The following P2RX5 variants were observed in gnomAD, a reference collection of about 807,000 sequenced individuals.
The protein encoded by P2RX5 is P2X purinoceptor 5.
Under a neutral mutation model 54.1 loss-of-function variants are expected in P2RX5, and 46 were observed. The observed-to-expected ratio is 0.85, with a 90% CI of 0.67 to 1.09. The LOEUF (loss-of-function observed/expected upper bound fraction) is 1.09, where lower values mean the gene tolerates loss of function less well. Ranked by LOEUF, P2RX5 falls within the 50% of genes least tolerant of loss-of-function variation. P2RX5 has a pLI of 0.00. For missense variants in P2RX5, 566 were observed against 549.8 expected, an observed-to-expected ratio of 1.03 and a Z score of -0.29; for synonymous variants, 226 against 226.4, an observed-to-expected ratio of 1.00 and a Z score of 0.02.
the P2RX5 span, among the ~76,000 whole-genome samples, chr17:3,719,221 G>A: frequency 8.7e-6 from 1 of 114,636 alleles, no homozygotes; most frequent in Non-Finnish European, 1.6e-5. Flanking sequence ...GGGCGACACA[G>A]TGAGATTCTT....
chr17:3,693,161 A>C (rs78931785), intron 1 of P2RX5, among the ~76,000 whole-genome samples: 1 of 151,548 alleles, frequency 6.6e-6, no homozygotes. Flanking sequence ...AGAGAGATAC[A>C]CAAATGCCCA....
chr17:3,699,910 G>GA (rs1466473616), upstream of P2RX5, among the ~76,000 whole-genome samples: 1 of 40,656 alleles, frequency 2.5e-5, no homozygotes, highest in African/African-American at 5.3e-5. Context: ...AGGAAGGAAG[G>GA]AAGGAAGGAA....
intron 9 of P2RX5, among the ~76,000 whole-genome samples, chr17:3,684,623 T>C (rs1455444190): frequency 6.9e-6 from 1 of 144,898 alleles, no homozygotes; most frequent in Non-Finnish European, 1.5e-5. Flanking sequence ...ATCCTCAGGG[T>C]CTGGGAAAAT....
chr17:3,706,348 C>T, the P2RX5 span, among the ~76,000 whole-genome samples: 43 of 152,042 alleles, frequency 2.8e-4, no homozygotes, highest in African/African-American at 1.4e-4. Context: ...GCCCACCTTG[C>T]GCTCTCAAAG....
intron 11 of P2RX5, chr17:3,675,597 G>A (rs2050085138): frequency 1.0e-6 from 1 of 973,824 alleles, no homozygotes; most frequent in Non-Finnish European, 1.2e-6. Flanking sequence ...TGTCGCCCAG[G>A]CCAGAGTGCA....
intron 11 of P2RX5, among the ~76,000 whole-genome samples, chr17:3,678,724 G>T (rs2050159139): frequency 6.6e-6 from 1 of 152,240 alleles, no homozygotes; most frequent in Non-Finnish European, 1.5e-5. Context: ...GGCCACCAAG[G>T]TCAGTGAGTA....
chr17:3,723,743 G>A, the P2RX5 span: 475 of 1,607,228 alleles, frequency 3.0e-4, no homozygotes, highest in Admixed American at 2.0e-3. Flanking sequence ...CACCGTGGAG[G>A]CCTGAAACGA....
chr17:3,701,707 A>AAAAAAT, the P2RX5 span, among the ~76,000 whole-genome samples: 665 of 139,960 alleles, frequency 4.8e-3, 3 homozygotes, highest in Middle Eastern at 0.011. Context: ...AAAAAAAAAA[A>AAAAAAT]AAAAAAAAAA....
Position 3,681,862 on chromosome 17 carries a change from GCCCTCGGGC to G in P2RX5, c.1064+25_1064+33del, listed in dbSNP as rs747817201. 26 of 1,452,706 alleles carry G rather than the reference GCCCTCGGGC, an allele frequency of 1.8e-5. No individual in the cohort carries two copies. In the South Asian group the frequency reaches 2.7e-4, roughly 15 times the overall value. 90.0% of individuals were successfully genotyped at this position (1,452,706 alleles called of 1,614,324 possible). ...AGCCACGGGGGTGCTCCACAGGGCT[GCCCTCGGGC>G]CGCCGGCCTGGAAGCGGAACTGACC... On this transcript the variant is annotated intron_variant, in intron 10 of 11. Transcript: ENST00000225328.
At chr17:3,702,186 T>C in the P2RX5 span, among the ~76,000 whole-genome samples, 9 of 144,320 alleles carry the variant, frequency 6.2e-5, no homozygotes, top group South Asian at 2.3e-4. Context: ...AGCTAAAGGA[T>C]TGTAAATGCA....
the P2RX5 span, among the ~76,000 whole-genome samples, chr17:3,708,492 A>G: frequency 3.3e-5 from 5 of 152,132 alleles, no homozygotes; most frequent in South Asian, 2.1e-4. Flanking sequence ...GGAAAAATAC[A>G]TGGCCTTGCC....
chr17:3,691,000 T>G lies in P2RX5; in HGVS notation c.316A>C (p.Asn106His). 6.2e-7 allele frequency: 1 copy of G among 1,613,110 alleles called. No individual in the cohort carries two copies. The highest frequency in any genetic ancestry group is 8.5e-7 in the Non-Finnish European group (1 of 1,179,756). The change falls in exon 3 of 12, where the codon AAC becomes CAC. Residue 106 changes from asparagine (N) to histidine (H), a missense_variant. By Grantham distance (68) the Asn-to-His change is moderately conservative (BLOSUM62 1). Transcript: ENST00000225328. ...CGCTGGTTGGGGGTCACAATCAGGT[T>G]GGTGACCACAAAAAAGACGTTCTCT... The part of the protein sequence containing the change: ...QGENVFFVVT[N>H]LIVTPNQRQN...
the P2RX5 span, among the ~76,000 whole-genome samples, chr17:3,707,202 CT>C: frequency 2.6e-5 from 4 of 152,070 alleles, no homozygotes; most frequent in African/African-American, 7.2e-5. Flanking sequence ...ACAGCAGAAA[CT>C]AGGTGGTGGG....
chr17:3,720,736 C>T, the P2RX5 span: 2 of 192,142 alleles, frequency 1.0e-5, no homozygotes, highest in South Asian at 1.6e-4. Flanking sequence ...GCATGTGCCA[C>T]CATGCCAGGC....
At chr17:3,683,505 C>A (rs553863832) in intron 9 of P2RX5, among the ~76,000 whole-genome samples, 4 of 152,226 alleles carry the variant, frequency 2.6e-5, no homozygotes, top group Non-Finnish European at 4.4e-5. Flanking sequence ...CCGAGGTGGG[C>A]GGATCACCTG....
At chr17:3,683,371 C>T (rs927601130) in intron 9 of P2RX5, among the ~76,000 whole-genome samples, 14 of 152,348 alleles carry the variant, frequency 9.2e-5, no homozygotes, top group Admixed American at 1.3e-4. Flanking sequence ...CCACCTCTTC[C>T]TGCGCCATTA....
chr17:3,715,227 T>C, the P2RX5 span, among the ~76,000 whole-genome samples: 1 of 152,240 alleles, frequency 6.6e-6, no homozygotes, highest in African/African-American at 2.4e-5. Context: ...ATTTCGGCTG[T>C]ACTGGATCTA....
the P2RX5 span, among the ~76,000 whole-genome samples, chr17:3,712,233 CAG>C: frequency 1.3e-3 from 193 of 152,260 alleles, 1 homozygote; most frequent in African/African-American, 4.0e-3. Context: ...CATTGGAAAA[CAG>C]AGAACAATAT....
the P2RX5 span, chr17:3,721,508 C>A: frequency 6.6e-6 from 1 of 151,590 alleles, no homozygotes; most frequent in African/African-American, 2.4e-5. Context: ...GAACTCCTGG[C>A]CTCAAGCAAT....
Sources: gnomAD v4.1 joint callset for allele counts (sites outside exome capture counted in the v4.1 genomes callset) on GRCh38, gnomAD v4.1.1 for gene constraint, MANE v1.5 for transcripts, NCBI Gene and HGNC (gene_info 2026-07-23, HGNC 2026-07-21) for gene names.